Variants in CDC42BPB observed in about 807,000 individuals in gnomAD.
CDC42BPB encodes CDC42 binding protein kinase beta.
Under a neutral mutation model 214.9 loss-of-function variants are expected in CDC42BPB, and 37 were observed. That is an observed-to-expected ratio of 0.17 (90% CI 0.13 to 0.23). The LOEUF is 0.23. Among genes scored for constraint, CDC42BPB ranks in the 10% least tolerant of loss-of-function variants. The pLI is 1.00. For synonymous variants in CDC42BPB, 931 were observed against 884.0 expected, an observed-to-expected ratio of 1.05 and a Z score of -0.94; for missense variants, 1,694 against 2,227.0, an observed-to-expected ratio of 0.76 and a Z score of 4.82.
chr14:102,938,470 G>T (rs564382541), intron 34 of CDC42BPB, 59 bp from the exon 35 acceptor site: 3 of 1,503,988 alleles, frequency 2.0e-6, no homozygotes, highest in East Asian at 4.6e-5. Context: ...GGCCGGCTGC[G>T]AAGTTTGTGC....
At chr14:103,026,332 A>C (rs573107736) in intron 1 of CDC42BPB, among the ~76,000 whole-genome samples, 42 of 152,082 alleles carry the variant, frequency 2.8e-4, no homozygotes, top group South Asian at 8.3e-4. Flanking sequence ...CAGAGGTTGC[A>C]GTGAGCCGAG....
chr14:102,963,276 CGGTAGCTCATGCT>C (rs1773531440), intron 19 of CDC42BPB, 121 bp from the exon 20 acceptor site: 1 of 1,407,294 alleles, frequency 7.1e-7, no homozygotes, highest in Non-Finnish European at 9.2e-7. Context: ...GTCCAGAACA[CGGTAGCTCATGCT>C]GGGCCTTTCT....
At position 103,015,832 on chromosome 14, in the gene CDC42BPB, C is replaced by A. The variant is rs187969285; in HGVS notation, c.176-3644G>T. Among the ~76,000 whole-genome samples the A allele has an allele frequency of 6.0e-3, 918 of 152,134 alleles. 13 individuals carry two copies. The highest frequency in any genetic ancestry group is 0.021 in the African/African-American group (877 of 41,522). On this transcript the variant is annotated intron_variant, in intron 1 of 36. Transcript: ENST00000361246. ...CAAGCGATTCTCCTGCTTCAGCCTC[C>A]CGAGTAGCCGGGATTACAGGCACGT...
Position 102,943,405 on chromosome 14 carries a change from GA to G in CDC42BPB, c.4408+485del, listed in dbSNP as rs1891991090. 6.6e-6 allele frequency among the ~76,000 whole-genome samples: 1 copy of G among 152,214 alleles called. No homozygotes were observed. Among genetic ancestry groups the G allele is most frequent in the Admixed American group, 6.5e-5 (1 of 15,284 alleles). On this transcript the variant is annotated intron_variant, in intron 30 of 36. Transcript: ENST00000361246. This position sits in a 1 kb window ranked among gnomAD's most constrained non-coding sequence, Gnocchi z 4.6. ...GGCGAATTCAGTGACCCAACTGTTT[GA>G]AAAACAGCCCCTACCACTTTCAGAA...
intron 1 of CDC42BPB, among the ~76,000 whole-genome samples, chr14:103,045,800 G>C (rs148057206): frequency 3.9e-5 from 6 of 152,108 alleles, no homozygotes; most frequent in Non-Finnish European, 7.3e-5. Context: ...AAACCACAGC[G>C]GCGCATAATC....
intron 36 of CDC42BPB, among the ~76,000 whole-genome samples, chr14:102,934,822 A>G (rs1027243516): frequency 2.0e-5 from 3 of 151,834 alleles, no homozygotes; most frequent in Non-Finnish European, 2.9e-5. Context: ...CCATCCTAAC[A>G]CAGTGAAACC....
chr14:103,034,157 T>C (rs1185678071), intron 1 of CDC42BPB, among the ~76,000 whole-genome samples: 2 of 152,224 alleles, frequency 1.3e-5, no homozygotes, highest in Non-Finnish European at 2.9e-5. Flanking sequence ...CTTTCCAATG[T>C]GGTACTGGAG....
intron 12 of CDC42BPB, among the ~76,000 whole-genome samples, chr14:102,972,593 G>T (rs911845887): frequency 7.3e-5 from 11 of 151,600 alleles, no homozygotes; most frequent in Non-Finnish European, 1.6e-4. Context: ...GGAAGCTGAG[G>T]CAGGAGAACG....
At chr14:103,019,314 C>A (rs1419516089) in intron 1 of CDC42BPB, among the ~76,000 whole-genome samples, 1 of 152,218 alleles carries the variant, frequency 6.6e-6, no homozygotes, top group African/African-American at 2.4e-5. Flanking sequence ...CCAGCACTCA[C>A]AAGGCTCCAA....
chr14:102,944,396 G>A lies in CDC42BPB; in HGVS notation c.3903C>T (p.His1301=), dbSNP rs776662706. 9.3e-6 allele frequency: 15 copies of A among 1,613,132 alleles called. No homozygotes were observed. Among genetic ancestry groups the A allele is most frequent in the Non-Finnish European group, 5.9e-6 (7 of 1,180,004 alleles). The change falls in exon 30 of 37, where the codon CAC becomes CAT. Residue 1301 remains histidine, a synonymous_variant. Transcript: ENST00000361246. The surrounding 1 kb of genome is among the most constrained non-coding windows in gnomAD (Gnocchi z 6.6). ...KIVILLCGRN[H]HVHLYPWSSL... The stretch of plus-strand genomic sequence containing the variant: ...ACGACCACGGATAGAGGTGCACATG[G>A]TGGTTCCGGCCACAGAGGAGGATTA...
rs1889046547 is a variant in CDC42BPB at position 103,057,359 on chromosome 14, G to A, written c.-186C>T. On this transcript the variant is annotated 5_prime_UTR_variant, in exon 1 of 37. Coordinates refer to ENST00000361246, the MANE Select transcript of CDC42BPB (RefSeq NM_006035.4). ...TTGGGCTCCGTCCCGACGGCGCAGA[G>A]TCTGGGGCGCCGGGCCCCGCGGGTC... is the stretch of plus-strand genomic sequence containing the variant. 27 of 1,009,668 alleles carry A rather than the reference G, an allele frequency of 2.7e-5. No homozygotes were observed. Among genetic ancestry groups the A allele is most frequent in the South Asian group, 9.1e-5 (2 of 22,098 alleles). 62.5% of individuals were successfully genotyped at this position (1,009,668 alleles called of 1,614,324 possible).
Position 103,057,425 on chromosome 14 carries a change from G to T in CDC42BPB, c.-252C>A. Reference sequence around the variant, plus strand: ...TCCCCTCGGCGCCGCCGCCCTCCCAGCTCGGGCGGCCCGCCCCCGCCGCCC... The same window carrying T: ...TCCCCTCGGCGCCGCCGCCCTCCCATCTCGGGCGGCCCGCCCCCGCCGCCC... On this transcript the variant is annotated 5_prime_UTR_variant, in exon 1 of 37. In the 5' UTR this introduces an upstream ATG that the reference lacks. Coordinates refer to ENST00000361246, the MANE Select transcript of CDC42BPB (RefSeq NM_006035.4). 3.1e-6 allele frequency: 2 copies of T among 653,270 alleles called. No homozygotes were observed. The highest frequency in any genetic ancestry group is 3.8e-6 in the Non-Finnish European group (2 of 528,472). 40.5% of individuals were successfully genotyped at this position (653,270 alleles called of 1,614,324 possible).
intron 36 of CDC42BPB, among the ~76,000 whole-genome samples, chr14:102,936,541 G>A (rs991664452): frequency 2.0e-5 from 3 of 148,620 alleles, no homozygotes; most frequent in Non-Finnish European, 3.0e-5. Context: ...CCATTTCCAC[G>A]AAATGTCCAG....
chr14:102,969,381 A>G (rs1893369795), intron 14 of CDC42BPB, among the ~76,000 whole-genome samples: 5 of 152,104 alleles, frequency 3.3e-5, no homozygotes, highest in Admixed American at 3.3e-4. Context: ...GCCCTGCCGC[A>G]CAGGAATGTG....
chr14:103,007,560 C>T (rs1885905752), intron 3 of CDC42BPB, among the ~76,000 whole-genome samples: 1 of 152,196 alleles, frequency 6.6e-6, no homozygotes, highest in Non-Finnish European at 1.5e-5. Context: ...GAGGAGGTGG[C>T]CACGTCGAGA....
At chr14:103,048,323 T>A (rs1888409356) in intron 1 of CDC42BPB, among the ~76,000 whole-genome samples, 1 of 151,790 alleles carries the variant, frequency 6.6e-6, no homozygotes, top group African/African-American at 2.4e-5. Context: ...GCGGGCGGAC[T>A]GCTTGAGGTC....
At chr14:102,972,753 A>G (rs1268375963) in intron 12 of CDC42BPB, among the ~76,000 whole-genome samples, 1 of 139,494 alleles carries the variant, frequency 7.2e-6, no homozygotes, top group Non-Finnish European at 1.5e-5. Flanking sequence ...AAGCCCCACA[A>G]CCACATGGGG....
At chr14:102,992,691 C>CT (rs986975874) in intron 5 of CDC42BPB, among the ~76,000 whole-genome samples, 12 of 151,348 alleles carry the variant, frequency 7.9e-5, no homozygotes, top group African/African-American at 2.9e-4. Flanking sequence ...GACACAAAAT[C>CT]TTTAAGTCTG....
In CDC42BPB at chr14:102,946,018, T is replaced by TC. The variant is rs1205889292; in HGVS notation, c.3749-295_3749-294insG. On this transcript the variant is annotated intron_variant, in intron 28 of 36. Transcript: ENST00000361246. Reference sequence around the variant, plus strand: ...TGTACTGTCCGCACAGGTCATCTGCTTTTTTTTTGAGACGGAGTCTCGGTC... The same window carrying TC: ...TGTACTGTCCGCACAGGTCATCTGCTCTTTTTTTTGAGACGGAGTCTCGGTC... Among the ~76,000 whole-genome samples, 10 of 150,816 alleles carry TC rather than the reference T, an allele frequency of 6.6e-5. No homozygotes were observed. In the South Asian group the frequency reaches 2.1e-3, roughly 32 times the overall value.
Sources: gnomAD v4.1 joint callset for allele counts (sites outside exome capture counted in the v4.1 genomes callset) on GRCh38, gnomAD v4.1.1 for gene constraint, Gnocchi (gnomAD v3.1) non-coding constraint, MANE v1.5 for transcripts, NCBI Gene and HGNC (gene_info 2026-07-23, HGNC 2026-07-21) for gene names.